Variants in LRRCC1 observed in about 807,000 individuals in gnomAD.
LRRCC1 encodes leucine-rich repeat and coiled-coil domain-containing protein 1.
LRRCC1 carries 115 observed loss-of-function variants against 126.0 expected under a neutral mutation model. The ratio of observed to expected loss-of-function variants is 0.91; its 90% CI spans 0.78 to 1.07. The LOEUF (loss-of-function observed/expected upper bound fraction) is 1.07. Ranked by LOEUF, LRRCC1 falls within the 50% of genes least tolerant of loss-of-function variation. The probability of loss-of-function intolerance (pLI) is 0.00; values close to 1 mark genes in which losing one functional copy is unlikely to be tolerated. For missense variants in LRRCC1, 1,172 were observed against 1,175.7 expected (o/e 1.00, Z 0.05); for synonymous variants, 400 against 393.4 (o/e 1.02, Z -0.20).
intron 11 of LRRCC1, among the ~76,000 whole-genome samples, chr8:85,130,900 A>G (rs1810415883): frequency 6.6e-6 from 1 of 152,228 alleles, no homozygotes; most frequent in Non-Finnish European, 1.5e-5. Flanking sequence ...TTTACAAAGA[A>G]AAAGGCAGTA....
chr8:85,126,617 A>G, intron 8 of LRRCC1, 72 bp from the exon 9 acceptor site: 2 of 1,316,528 alleles, frequency 1.5e-6, no homozygotes, highest in Non-Finnish European at 2.1e-6. Context: ...CCCTGTTATA[A>G]ATGGGAAAAT....
At chr8:85,130,127 C>T in intron 11 of LRRCC1, 69 bp downstream of exon 11, 1 of 1,185,258 alleles carries the variant, frequency 8.4e-7, no homozygotes, top group Non-Finnish European at 1.1e-6. Context: ...TGGTTCCCCA[C>T]TACCAGTATT....
Position 85,126,800 on chromosome 8 carries a change from G to A in LRRCC1, c.1384G>A (p.Glu462Lys). ...GCTGCATAAACATGCAAATGAAAAA[G>A]AGGATATTCATAGTCTGGCTCTACT... ...DELHKHANEK[E>K]DIHSLALLTT... The change falls in exon 9 of 19, where the codon GAG (glutamate) becomes AAG (lysine). Residue 462 changes from glutamate (E) to lysine (K), a missense_variant. Physicochemically the swap from Glu to Lys is moderately conservative, Grantham distance 56. Coordinates refer to ENST00000360375, the MANE Select transcript of LRRCC1 (RefSeq NM_033402.5). The A allele has an allele frequency of 2.5e-6, 4 of 1,612,514 alleles. No homozygotes were observed. The highest frequency in any genetic ancestry group is 1.7e-4 in the Middle Eastern group (1 of 6,058).
intron 7 of LRRCC1, among the ~76,000 whole-genome samples, chr8:85,124,316 C>G (rs1263001510): frequency 6.6e-6 from 1 of 152,128 alleles, no homozygotes. Flanking sequence ...TATATACCCA[C>G]ACACACAGAG....
chr8:85,141,584 T>C, intron 18 of LRRCC1, 67 bp downstream of exon 18: 2 of 1,211,548 alleles, frequency 1.7e-6, no homozygotes, highest in East Asian at 5.2e-5. Context: ...AAATTAGATC[T>C]TCGAGAATTA....
At chr8:85,111,125 C>G (rs959110614) in intron 3 of LRRCC1, among the ~76,000 whole-genome samples, 2 of 152,148 alleles carry the variant, frequency 1.3e-5, no homozygotes, top group African/African-American at 4.8e-5. Context: ...CGCCTGTAAT[C>G]CCAGCACTTT....
intron 15 of LRRCC1, 71 bp downstream of exon 15, chr8:85,137,698 A>G: frequency 8.7e-7 from 1 of 1,155,998 alleles, no homozygotes; most frequent in Non-Finnish European, 1.2e-6. Flanking sequence ...AAAGTATCCA[A>G]AAGCTGTTTT....
intron 1 of LRRCC1, 37 bp downstream of exon 1, chr8:85,107,436 C>T (rs1808323461): frequency 5.2e-6 from 8 of 1,532,266 alleles, no homozygotes; most frequent in Non-Finnish European, 7.1e-6. Flanking sequence ...GACCCGCGCA[C>T]TCCCCAGAGC....
rs73261896 is a variant in LRRCC1, at chr8:85,145,852, A to T, written c.*341A>T. On this transcript the variant is annotated 3_prime_UTR_variant, in exon 19 of 19. Transcript: ENST00000360375. ...CCATATGAGGTAAAACATTTTAATC[A>T]TTGTTATCTTATTGTGATGATGAAG... 947 of 155,044 alleles carry T rather than the reference A, an allele frequency of 6.1e-3. 9 individuals are homozygous for T. Among genetic ancestry groups the T allele is most frequent in the African/African-American group, 0.022 (896 of 41,626 alleles). The allele number at this position is 155,044 out of a possible 1,614,324, so 9.6% of individuals were successfully genotyped here.
At chr8:85,128,380 GA>G (rs1810172435) in intron 9 of LRRCC1, among the ~76,000 whole-genome samples, 1 of 151,808 alleles carries the variant, frequency 6.6e-6, no homozygotes, top group Non-Finnish European at 1.5e-5. Context: ...TTTTTCTCAT[GA>G]AAAATCAATC....
chr8:85,140,615 T>C (rs1180288141), intron 17 of LRRCC1, among the ~76,000 whole-genome samples: 1 of 152,242 alleles, frequency 6.6e-6, no homozygotes, highest in Non-Finnish European at 1.5e-5. Context: ...GTGAATACCA[T>C]TTAATGTGTT....
chr8:85,107,877 G>T (rs1587354937), intron 1 of LRRCC1, among the ~76,000 whole-genome samples: 2 of 152,316 alleles, frequency 1.3e-5, no homozygotes, highest in Admixed American at 1.3e-4. Context: ...CTCCTTGTCT[G>T]CATTCGAAAT....
Position 85,129,984 on chromosome 8 carries a change from A to G in LRRCC1, c.1692A>G (p.Arg564=). 5.0e-6 allele frequency: 8 copies of G among 1,604,174 alleles called. No homozygotes were observed. Among genetic ancestry groups the G allele is most frequent in the Non-Finnish European group, 6.8e-6 (8 of 1,176,416 alleles). The change falls in exon 11 of 19, where the codon AGA becomes AGG. Residue 564 remains arginine (R), a synonymous_variant. Coordinates refer to ENST00000360375, the MANE Select transcript of LRRCC1 (RefSeq NM_033402.5). ...SAADREIYLL[R]TSLHREREQA... is the part of the protein sequence containing the mutation. ...CCGATAGAGAAATATACTTACTTAGAACTTCCCTTCATCGAGAAAGAGAAC... is the reference window on the plus strand; with the variant it reads ...CCGATAGAGAAATATACTTACTTAGGACTTCCCTTCATCGAGAAAGAGAAC...
chr8:85,125,970 C>G (rs1327256830), intron 8 of LRRCC1, among the ~76,000 whole-genome samples: 1 of 151,978 alleles, frequency 6.6e-6, no homozygotes, highest in Non-Finnish European at 1.5e-5. Flanking sequence ...GCCTGTGTTT[C>G]CCAAGTTACA....
Position 85,135,864 on chromosome 8 carries a change from G to A in LRRCC1, c.2230G>A (p.Glu744Lys), listed in dbSNP as rs1316621447. Reference sequence around the variant, plus strand: ...TATTCAAATAGAACTTCTCAAGCACGAAAAAGTCCAGCTTATTTCTGAGCT... The same window carrying A: ...TATTCAAATAGAACTTCTCAAGCACAAAAAAGTCCAGCTTATTTCTGAGCT... ...KSIQIELLKHEKVQLISELAA... is the reference protein window; with the variant it reads ...KSIQIELLKHKKVQLISELAA... Residue 744 changes from glutamate (E) to lysine (K), a missense_variant, in exon 14 of 19, where the codon GAA (glutamate) becomes AAA (lysine). Glu to Lys is a moderately conservative substitution (Grantham distance 56). Transcript: ENST00000360375. 18 of 1,606,166 alleles carry A rather than the reference G, an allele frequency of 1.1e-5. No homozygotes were observed. The highest frequency in any genetic ancestry group is 2.3e-5 in the East Asian group (1 of 44,430).
At chr8:85,123,364 T>C in intron 6 of LRRCC1, 49 bp from the exon 7 acceptor site, 1 of 1,242,874 alleles carries the variant, frequency 8.0e-7, no homozygotes, top group Non-Finnish European at 1.1e-6. Context: ...AATTTCAATC[T>C]TTTTTATACT....
At chr8:85,130,089 G>C (rs747949137) in intron 11 of LRRCC1, 31 bp downstream of exon 11, 1 of 1,486,602 alleles carries the variant, frequency 6.7e-7, no homozygotes, top group Admixed American at 2.6e-5. Flanking sequence ...GAATGTATTG[G>C]CATTTAAAAA....
intron 8 of LRRCC1, among the ~76,000 whole-genome samples, chr8:85,125,389 C>A (rs1465390784): frequency 6.6e-6 from 1 of 152,088 alleles, no homozygotes; most frequent in African/African-American, 2.4e-5. Flanking sequence ...AAGAGGTGTT[C>A]AAGGCCGGGC....
intron 6 of LRRCC1, among the ~76,000 whole-genome samples, chr8:85,116,111 A>G (rs1308937146): frequency 6.6e-6 from 1 of 152,104 alleles, no homozygotes; most frequent in East Asian, 1.9e-4. Flanking sequence ...CTGAATCTCT[A>G]GTTTTTAGAA....
Sources: gnomAD v4.1 joint callset for allele counts (sites outside exome capture counted in the v4.1 genomes callset) on GRCh38, gnomAD v4.1.1 for gene constraint, MANE v1.5 for transcripts, NCBI Gene and HGNC (gene_info 2026-07-23, HGNC 2026-07-21) for gene names.